MPZL1: variants seen among roughly 807,000 people sequenced by gnomAD.
The protein encoded by MPZL1 is myelin protein zero-like protein 1.
Under a neutral mutation model 29.3 loss-of-function variants are expected in MPZL1, and 16 were observed. The ratio of observed to expected loss-of-function variants is 0.55; its 90% CI spans 0.37 to 0.83. The LOEUF (loss-of-function observed/expected upper bound fraction) is 0.83. Ranked by LOEUF, MPZL1 falls within the 40% of genes least tolerant of loss-of-function variation. MPZL1 has a pLI of 0.00. For synonymous variants in MPZL1, 143 were observed against 132.0 expected (o/e 1.08, Z -0.57); for missense variants, 279 against 332.9 (o/e 0.84, Z 1.26).
At chr1:167,785,464 TAGTC>T (rs980273972) in intron 5 of MPZL1, among the ~76,000 whole-genome samples, 2 of 152,190 alleles carry the variant, frequency 1.3e-5, no homozygotes, top group African/African-American at 4.8e-5. Context: ...CTCATTCTGT[TAGTC>T]AGAGCTGATC....
At chr1:167,756,549 A>C (rs1265918853) in intron 1 of MPZL1, among the ~76,000 whole-genome samples, 1 of 151,678 alleles carries the variant, frequency 6.6e-6, no homozygotes, top group South Asian at 2.1e-4. Flanking sequence ...GCATCCTCCA[A>C]GGTAGTGTCA....
At chr1:167,746,734 T>C (rs1004315284) in intron 1 of MPZL1, among the ~76,000 whole-genome samples, 3 of 152,188 alleles carry the variant, frequency 2.0e-5, no homozygotes, top group Non-Finnish European at 4.4e-5. Flanking sequence ...TGGATGGAAA[T>C]TTAGGAGTGG....
chr1:167,730,160 G>A lies in MPZL1; in HGVS notation c.91+7918G>A, dbSNP rs139982022. ...TTGATGCTGCTGACTCTGTTAAAGA[G>A]GAATAAAGCTGCCGTGTTGAAGCCA... On this transcript the variant is annotated intron_variant, in intron 1 of 5. Coordinates refer to ENST00000359523, the MANE Select transcript of MPZL1 (RefSeq NM_003953.6). 2.3e-3 allele frequency among the ~76,000 whole-genome samples: 343 copies of A among 152,308 alleles called. 3 individuals carry two copies. The highest frequency in any genetic ancestry group is 7.9e-3 in the African/African-American group (329 of 41,568).
chr1:167,722,041 C>G lies in MPZL1; in HGVS notation c.-111C>G. ...GGGAGCGCGGCGTGGAGGTGCCACC[C>G]GGCGCGGGTGGCGGAGAGATCAGAA... is the stretch of plus-strand genomic sequence containing the variant. On this transcript the variant is annotated 5_prime_UTR_variant, in exon 1 of 6. Transcript: ENST00000359523. The G allele has an allele frequency of 8.2e-7, 1 of 1,224,528 alleles. No individual in the cohort carries two copies. Among genetic ancestry groups the G allele is most frequent in the Admixed American group, 4.2e-5 (1 of 23,592 alleles). The allele number at this position is 1,224,528 out of a possible 1,614,324, so 75.9% of individuals were successfully genotyped here. A position where few individuals can be genotyped will look rare whatever the true frequency, so the allele number is the denominator to read the frequency against.
At chr1:167,741,296 A>G (rs1660518674) in intron 1 of MPZL1, among the ~76,000 whole-genome samples, 2 of 147,364 alleles carry the variant, frequency 1.4e-5, no homozygotes, top group South Asian at 4.3e-4. Flanking sequence ...TGCTGGGATT[A>G]CAGGCATGAG....
chr1:167,771,259 A>AT (rs1661241623), intron 2 of MPZL1, among the ~76,000 whole-genome samples: 1 of 152,044 alleles, frequency 6.6e-6, no homozygotes, highest in Non-Finnish European at 1.5e-5. Flanking sequence ...CCCTTAATCC[A>AT]TTTCACCCTG....
At chr1:167,782,585 T>C (rs550715441) in intron 5 of MPZL1, among the ~76,000 whole-genome samples, 2 of 152,322 alleles carry the variant, frequency 1.3e-5, no homozygotes, top group Non-Finnish European at 2.9e-5. Context: ...TTTGAGAACT[T>C]GAATGGTAGA....
intron 1 of MPZL1, among the ~76,000 whole-genome samples, chr1:167,759,431 TA>T (rs1356535427): frequency 6.6e-6 from 1 of 152,210 alleles, no homozygotes; most frequent in African/African-American, 2.4e-5. Flanking sequence ...CCCAATTGTT[TA>T]AGAAACCAGT....
chr1:167,789,603 G>A lies in MPZL1; in HGVS notation c.*1682G>A, dbSNP rs151009335. On this transcript the variant is annotated 3_prime_UTR_variant, in exon 6 of 6. Coordinates refer to ENST00000359523, the MANE Select transcript of MPZL1 (RefSeq NM_003953.6). ...AAACTAATGCTGTTGCATACATGAA[G>A]CCTTTTGTTTTTTGAGGAGCTATTT... is the stretch of plus-strand genomic sequence containing the variant. 64 of 152,298 alleles carry A rather than the reference G, an allele frequency of 4.2e-4. No homozygotes were observed. Among genetic ancestry groups the A allele is most frequent in the African/African-American group, 1.3e-3 (53 of 41,568 alleles). 9.4% of individuals were successfully genotyped at this position (152,298 alleles called of 1,614,324 possible).
At chr1:167,755,484 G>A (rs1660850741) in intron 1 of MPZL1, among the ~76,000 whole-genome samples, 1 of 152,198 alleles carries the variant, frequency 6.6e-6, no homozygotes, top group East Asian at 1.9e-4. Context: ...TTATCTATCA[G>A]ATATGCCTCC....
chr1:167,756,952 A>G (rs1246127134), intron 1 of MPZL1, among the ~76,000 whole-genome samples: 1 of 152,166 alleles, frequency 6.6e-6, no homozygotes, highest in African/African-American at 2.4e-5. Context: ...GCTAGGAGGA[A>G]GTCCCTTGAG....
rs776937459 is a variant in MPZL1, at chr1:167,722,151, G to T, written c.-1G>T. 96 of 1,235,552 alleles carry T rather than the reference G, an allele frequency of 7.8e-5. 1 individual carries two copies. The highest frequency in any genetic ancestry group is 9.0e-5 in the Non-Finnish European group (89 of 988,618). The allele number at this position is 1,235,552 out of a possible 1,614,324, so 76.5% of individuals were successfully genotyped here. A position where few individuals can be genotyped will look rare whatever the true frequency, so the allele number is the denominator to read the frequency against. On this transcript the variant is annotated 5_prime_UTR_variant, in exon 1 of 6. Transcript: ENST00000359523. ...GCGGCGGCGACTGCAGTGGCTGGAC[G>T]ATGGCAGCGTCCGCCGGAGCCGGGG... is the stretch of plus-strand genomic sequence containing the variant.
intron 5 of MPZL1, among the ~76,000 whole-genome samples, chr1:167,785,992 A>G (rs1419319806): frequency 6.6e-6 from 1 of 152,028 alleles, no homozygotes; most frequent in Non-Finnish European, 1.5e-5. Flanking sequence ...ACGGGGTTTC[A>G]CCGTGTTAGC....
intron 1 of MPZL1, among the ~76,000 whole-genome samples, chr1:167,764,485 G>A (rs1661066552): frequency 6.6e-6 from 1 of 152,086 alleles, no homozygotes; most frequent in African/African-American, 2.4e-5. Flanking sequence ...TCTTATGGTA[G>A]GTATGATTGC....
At chr1:167,765,435 T>A (rs745351735) in intron 1 of MPZL1, 148 bp from the exon 2 acceptor site, 66 of 563,000 alleles carry the variant, frequency 1.2e-4, no homozygotes, top group Non-Finnish European at 1.9e-4. Flanking sequence ...TGAACTTAGC[T>A]GTAGAATATT....
intron 1 of MPZL1, among the ~76,000 whole-genome samples, chr1:167,724,494 A>G (rs1273466940): frequency 6.6e-6 from 1 of 152,214 alleles, no homozygotes; most frequent in Non-Finnish European, 1.5e-5. Flanking sequence ...TTGGGCTATG[A>G]AGAGAGGACA....
intron 5 of MPZL1, among the ~76,000 whole-genome samples, chr1:167,780,366 A>G (rs6671664): frequency 0.68 from 103,065 of 152,018 alleles, 35,206 homozygotes; most frequent in Admixed American, 0.75. Flanking sequence ...CACTTTAAAT[A>G]AAAAGATCCA....
intron 1 of MPZL1, among the ~76,000 whole-genome samples, chr1:167,755,334 T>G (rs1385528328): frequency 6.6e-6 from 1 of 152,232 alleles, no homozygotes; most frequent in Non-Finnish European, 1.5e-5. Flanking sequence ...TTCACATATC[T>G]TCAAACATAC....
intron 4 of MPZL1, chr1:167,774,589 G>A (rs1376156643): frequency 2.0e-5 from 3 of 152,206 alleles, no homozygotes; most frequent in East Asian, 3.8e-4. Flanking sequence ...ACTAATCCAG[G>A]GTGGTGACAT....
Sources: allele counts gnomAD v4.1 joint callset (sites outside exome capture counted in the v4.1 genomes callset), GRCh38; gene constraint gnomAD v4.1.1; transcripts MANE v1.5; gene names NCBI Gene and HGNC (gene_info 2026-07-23, HGNC 2026-07-21).